The following RBFOX1 variants were observed in gnomAD, a reference collection of about 807,000 sequenced individuals.
RBFOX1 encodes the protein RNA binding protein fox-1 homolog 1.
RBFOX1 carries 8 observed loss-of-function variants against 57.7 expected under a neutral mutation model. The observed-to-expected ratio is 0.14, with a 90% CI of 0.08 to 0.25. RBFOX1 has a LOEUF of 0.25. RBFOX1 is among the 10% of genes least tolerant of loss of function. The pLI is 1.00. For synonymous variants in RBFOX1, 326 were observed against 222.4 expected, an observed-to-expected ratio of 1.47 and a Z score of -4.15; for missense variants, 611 against 548.5, an observed-to-expected ratio of 1.11 and a Z score of -1.14.
At chr16:6,637,357 A>ATAT (rs1491508373) in intron 2 of RBFOX1, among the ~76,000 whole-genome samples, 1 of 31,582 alleles carries the variant, frequency 3.2e-5, no homozygotes, top group Non-Finnish European at 5.9e-5. Flanking sequence ...ATTATATATT[A>ATAT]AATATATATA....
At chr16:6,892,130 C>A (rs1275858993) in intron 3 of RBFOX1, among the ~76,000 whole-genome samples, 1 of 152,098 alleles carries the variant, frequency 6.6e-6, no homozygotes, top group Non-Finnish European at 1.5e-5. Flanking sequence ...GTCCCCAAAC[C>A]CCCTGGTTGG....
intron 3 of RBFOX1, among the ~76,000 whole-genome samples, chr16:6,887,868 G>A (rs906524252): frequency 6.6e-6 from 1 of 152,042 alleles, no homozygotes; most frequent in South Asian, 2.1e-4. Context: ...TGCCATGTTG[G>A]CCAGGCTGGT....
intron 3 of RBFOX1, among the ~76,000 whole-genome samples, chr16:6,827,396 G>A (rs576048680): frequency 1.3e-5 from 2 of 152,142 alleles, no homozygotes; most frequent in Non-Finnish European, 2.9e-5. Context: ...ATTATCGCTG[G>A]AGGGGAAGTG....
At chr16:7,387,674 G>C (rs2097907674) in intron 4 of RBFOX1, among the ~76,000 whole-genome samples, 1 of 152,128 alleles carries the variant, frequency 6.6e-6, no homozygotes, top group African/African-American at 2.4e-5. Context: ...TTTGGCTCAG[G>C]GTGCCATTAG....
chr16:6,803,351 C>T (rs77964996), intron 3 of RBFOX1, among the ~76,000 whole-genome samples: 2 of 152,118 alleles, frequency 1.3e-5, no homozygotes, highest in Non-Finnish European at 1.5e-5. Flanking sequence ...GAAGTGTTGC[C>T]TCCAGCCGTA....
At chr16:7,157,517 A>C (rs987652560) in intron 4 of RBFOX1, among the ~76,000 whole-genome samples, 1 of 152,110 alleles carries the variant, frequency 6.6e-6, no homozygotes, top group African/African-American at 2.4e-5. Context: ...CTGTGGAACT[A>C]TTCAGAATCC....
chr16:6,945,952 G>A (rs1212372091), intron 3 of RBFOX1, among the ~76,000 whole-genome samples: 1 of 152,158 alleles, frequency 6.6e-6, no homozygotes, highest in Non-Finnish European at 1.5e-5. Context: ...ACCATTTCAA[G>A]GCATTCTGCC....
chr16:7,520,549 G>C (rs1386581802), intron 5 of RBFOX1, among the ~76,000 whole-genome samples: 2 of 152,302 alleles, frequency 1.3e-5, no homozygotes, highest in East Asian at 1.9e-4. Context: ...CCACTGTATG[G>C]ATAGACCGTG....
chr16:6,753,642 A>G (rs2075320505), intron 3 of RBFOX1, among the ~76,000 whole-genome samples: 1 of 152,186 alleles, frequency 6.6e-6, no homozygotes, highest in Non-Finnish European at 1.5e-5. Flanking sequence ...GAGAAAAAGA[A>G]ACGTACTTCT....
chr16:6,202,306 T>C (rs535932380), intron 1 of RBFOX1, among the ~76,000 whole-genome samples: 1 of 152,300 alleles, frequency 6.6e-6, no homozygotes, highest in South Asian at 2.1e-4. Context: ...AAAACTTGTC[T>C]AGGAAGACCT....
chr16:6,915,494 TAAATCTA>T (rs2072907927), intron 3 of RBFOX1, among the ~76,000 whole-genome samples: 1 of 151,862 alleles, frequency 6.6e-6, no homozygotes, highest in Non-Finnish European at 1.5e-5. Context: ...TACTATAGCC[TAAATCTA>T]AAATCTAAAC....
At chr16:5,976,742 G>A (rs1025120396) in intron 4 of RBFOX1, among the ~76,000 whole-genome samples, 62 of 151,858 alleles carry the variant, frequency 4.1e-4, no homozygotes, top group African/African-American at 1.5e-3. Flanking sequence ...GGTGGCACAT[G>A]TCTGTAATCC....
At chr16:7,407,838 T>C (rs2098372822) in intron 4 of RBFOX1, among the ~76,000 whole-genome samples, 1 of 152,150 alleles carries the variant, frequency 6.6e-6, no homozygotes, top group Non-Finnish European at 1.5e-5. Flanking sequence ...GGGAAAACTA[T>C]GGCCCTGGGA....
intron 3 of RBFOX1, among the ~76,000 whole-genome samples, chr16:6,820,483 C>T (rs964088188): frequency 6.6e-6 from 1 of 151,998 alleles, no homozygotes; most frequent in Admixed American, 6.6e-5. Flanking sequence ...ATAGAAAAAC[C>T]GTCTCTACAG....
chr16:6,580,548 A>C (rs1360243198), intron 2 of RBFOX1, among the ~76,000 whole-genome samples: 2 of 151,928 alleles, frequency 1.3e-5, no homozygotes, highest in Non-Finnish European at 2.9e-5. Flanking sequence ...ATGAAAAAAT[A>C]AATACACGTT....
At chr16:7,459,479 C>G (rs1256554950) in intron 4 of RBFOX1, among the ~76,000 whole-genome samples, 3 of 152,148 alleles carry the variant, frequency 2.0e-5, no homozygotes, top group Admixed American at 6.6e-5. Flanking sequence ...GACATAAAAA[C>G]AAAGCCACAG....
intron 3 of RBFOX1, among the ~76,000 whole-genome samples, chr16:5,766,073 G>C (rs1597160392): frequency 6.6e-6 from 1 of 152,190 alleles, no homozygotes; most frequent in Non-Finnish European, 1.5e-5. Context: ...ATAGCTCAGA[G>C]TTCTGTCCTC....
chr16:5,495,280 C>G (rs951160063), intron 2 of RBFOX1, among the ~76,000 whole-genome samples: 1 of 152,208 alleles, frequency 6.6e-6, no homozygotes, highest in African/African-American at 2.4e-5. Context: ...ACTTTGGATA[C>G]CAGTCTTTCC....
chr16:5,587,977 C>A (rs12447523), intron 2 of RBFOX1, among the ~76,000 whole-genome samples: 1 of 151,880 alleles, frequency 6.6e-6, no homozygotes, highest in Non-Finnish European at 1.5e-5. Context: ...TCAGCAGATT[C>A]GTGGAAAAAC....
Sources: allele counts gnomAD v4.1 joint callset (sites outside exome capture counted in the v4.1 genomes callset), GRCh38; gene constraint gnomAD v4.1.1; transcripts MANE v1.5; gene names NCBI Gene and HGNC (gene_info 2026-07-23, HGNC 2026-07-21).